The following TMEM108 variants were observed in gnomAD, a reference collection of about 807,000 sequenced individuals.
TMEM108 encodes the protein cancer/testis antigen 124.
Under a neutral mutation model 35.1 loss-of-function variants are expected in TMEM108, and 12 were observed. The observed-to-expected ratio is 0.34, with a 90% CI of 0.22 to 0.55. The LOEUF is 0.55. Ranked by LOEUF, TMEM108 falls within the 20% of genes least tolerant of loss-of-function variation. The pLI, the probability that TMEM108 is intolerant of heterozygous loss-of-function variation, is 0.89. For missense variants in TMEM108, 680 were observed against 753.3 expected, an observed-to-expected ratio of 0.90 and a Z score of 1.14; for synonymous variants, 287 against 308.6, an observed-to-expected ratio of 0.93 and a Z score of 0.73.
chr3:133,147,269 TGTGA>T (rs1213107216), intron 2 of TMEM108, among the ~76,000 whole-genome samples: 1 of 152,212 alleles, frequency 6.6e-6, no homozygotes, highest in Non-Finnish European at 1.5e-5. Flanking sequence ...GTTGTGTGGG[TGTGA>T]GTGAGTTTCT....
chr3:133,273,344 C>T (rs539946087), intron 3 of TMEM108, among the ~76,000 whole-genome samples: 2 of 152,276 alleles, frequency 1.3e-5, no homozygotes, highest in East Asian at 3.9e-4. Flanking sequence ...CAGTGGTATC[C>T]AGACTCTTAG....
chr3:133,222,075 C>T (rs1002794787), intron 2 of TMEM108, among the ~76,000 whole-genome samples: 1 of 152,038 alleles, frequency 6.6e-6, no homozygotes, highest in Admixed American at 6.6e-5. Context: ...CAGAGAACTC[C>T]CTTTAGCAGT....
intron 5 of TMEM108, 104 bp from the exon 6 acceptor site, chr3:133,395,760 G>T: frequency 8.2e-7 from 1 of 1,224,276 alleles, no homozygotes; most frequent in Non-Finnish European, 1.1e-6. Context: ...TGTGCACCAA[G>T]CCATCAGTGC....
intron 4 of TMEM108, among the ~76,000 whole-genome samples, chr3:133,382,620 T>G (rs527668210): frequency 3.0e-4 from 45 of 152,336 alleles, no homozygotes; most frequent in African/African-American, 1.0e-3. Context: ...GCTCTGCTGG[T>G]TGTATTGGCT....
At chr3:133,088,697 G>T (rs1943912099) in intron 2 of TMEM108, among the ~76,000 whole-genome samples, 1 of 152,148 alleles carries the variant, frequency 6.6e-6, no homozygotes. Flanking sequence ...GGATGTTTCT[G>T]ATTGATAATA....
At chr3:133,039,398 T>C (rs1377805463) in intron 1 of TMEM108, among the ~76,000 whole-genome samples, 1 of 152,202 alleles carries the variant, frequency 6.6e-6, no homozygotes, top group Non-Finnish European at 1.5e-5. Context: ...TACTCACACG[T>C]CCTTAATTCT....
intron 1 of TMEM108, among the ~76,000 whole-genome samples, chr3:133,039,098 T>G (rs1172881038): frequency 3.3e-5 from 5 of 152,130 alleles, no homozygotes; most frequent in Admixed American, 2.0e-4. Flanking sequence ...GGGGCTATTT[T>G]TTTTTTTAAG....
At chr3:133,172,872 A>T (rs1945150897) in intron 2 of TMEM108, among the ~76,000 whole-genome samples, 1 of 152,078 alleles carries the variant, frequency 6.6e-6, no homozygotes, top group Admixed American at 6.6e-5. Flanking sequence ...GTGATAGTAA[A>T]TCTCATGAGA....
chr3:133,309,962 A>C (rs183305291), intron 3 of TMEM108, among the ~76,000 whole-genome samples: 104 of 152,060 alleles, frequency 6.8e-4, no homozygotes, highest in African/African-American at 2.5e-3. Context: ...GGCCTCCCAA[A>C]GTGCTGGGAT....
intron 2 of TMEM108, among the ~76,000 whole-genome samples, chr3:133,115,852 T>G (rs753249423): frequency 1.3e-5 from 2 of 152,258 alleles, no homozygotes; most frequent in African/African-American, 2.4e-5. Context: ...AATTCACTTT[T>G]GACTGTAGAG....
At chr3:133,233,533 A>G (rs1218891574) in intron 3 of TMEM108, among the ~76,000 whole-genome samples, 1 of 152,238 alleles carries the variant, frequency 6.6e-6, no homozygotes, top group Non-Finnish European at 1.5e-5. Context: ...AGCATGATTT[A>G]TAATCCTTTG....
rs536751119 is a variant in TMEM108 at position 133,250,632 on chromosome 3, G to A, written c.40+21281G>A. ...ATTCTTGATGTTAGCATGTCCACTT[G>A]TACAGTTAGCAGCAATAGCCTCAGT... On this transcript the variant is annotated intron_variant, in intron 3 of 5. Transcript: ENST00000321871. Among the ~76,000 whole-genome samples, 13 of 152,272 alleles carry A rather than the reference G, an allele frequency of 8.5e-5. 1 individual carries two copies. The highest frequency in any genetic ancestry group is 2.9e-4 in the African/African-American group (12 of 41,558).
chr3:133,290,271 T>A (rs916587766), intron 3 of TMEM108, among the ~76,000 whole-genome samples: 2 of 152,190 alleles, frequency 1.3e-5, no homozygotes, highest in Non-Finnish European at 2.9e-5. Context: ...ACCACTTAGC[T>A]ATCTCTCTCT....
At chr3:133,055,041 G>A (rs1943450483) in intron 2 of TMEM108, among the ~76,000 whole-genome samples, 1 of 152,180 alleles carries the variant, frequency 6.6e-6, no homozygotes, top group East Asian at 1.9e-4. Context: ...CCCAGCTGCT[G>A]ACTGCTGAGG....
At chr3:133,161,506 A>G (rs1281787884) in intron 2 of TMEM108, among the ~76,000 whole-genome samples, 1 of 152,204 alleles carries the variant, frequency 6.6e-6, no homozygotes, top group Non-Finnish European at 1.5e-5. Flanking sequence ...TGTTCAATTA[A>G]TAGCTATTGA....
chr3:133,246,834 T>C (rs912419852), intron 3 of TMEM108: 1 of 152,270 alleles, frequency 6.6e-6, no homozygotes, highest in Non-Finnish European at 1.5e-5. Flanking sequence ...ATCTTAGATA[T>C]TATGTTAGCA....
intron 3 of TMEM108, among the ~76,000 whole-genome samples, chr3:133,261,733 A>T (rs1039496364): frequency 2.6e-5 from 4 of 152,246 alleles, no homozygotes; most frequent in Non-Finnish European, 5.9e-5. Context: ...ATAAATCAAG[A>T]AGCCATGGTG....
chr3:133,075,796 G>A (rs1163308283), intron 2 of TMEM108, among the ~76,000 whole-genome samples: 1 of 151,944 alleles, frequency 6.6e-6, no homozygotes, highest in Non-Finnish European at 1.5e-5. Context: ...GTGTTTTGTT[G>A]CTGTGGGAAA....
chr3:133,202,069 C>T (rs1174388616), intron 2 of TMEM108, among the ~76,000 whole-genome samples: 4 of 152,268 alleles, frequency 2.6e-5, no homozygotes, highest in Non-Finnish European at 4.4e-5. Context: ...AACTTTTTCT[C>T]GTACGTTTGT....
Sources: gnomAD v4.1 joint callset for allele counts (sites outside exome capture counted in the v4.1 genomes callset) on GRCh38, gnomAD v4.1.1 for gene constraint, MANE v1.5 for transcripts, NCBI Gene and HGNC (gene_info 2026-07-23, HGNC 2026-07-21) for gene names.